The following ZNF790 variants were observed in gnomAD, a reference collection of about 807,000 sequenced individuals.
ZNF790 encodes the protein zinc finger protein 790.
Under a neutral mutation model 12.1 loss-of-function variants are expected in ZNF790, and 8 were observed. The observed-to-expected ratio is 0.66, with a 90% confidence interval of 0.39 to 1.19. The LOEUF (loss-of-function observed/expected upper bound fraction) is 1.19, where lower values mean the gene tolerates loss of function less well. Among genes scored for constraint, ZNF790 ranks in the 50% most tolerant of loss-of-function variants. ZNF790 has a pLI of 0.01. For synonymous variants in ZNF790, 252 were observed against 244.3 expected, an observed-to-expected ratio of 1.03 and a Z score of -0.29; for missense variants, 707 against 752.2, an observed-to-expected ratio of 0.94 and a Z score of 0.70.
upstream of ZNF790, among the ~76,000 whole-genome samples, chr19:36,842,760 C>T (rs556906226): frequency 1.3e-5 from 2 of 151,536 alleles, no homozygotes; most frequent in Non-Finnish European, 2.9e-5. Context: ...AATCCCAGCA[C>T]TTTGGGAGGC....
In ZNF790 at chr19:36,818,596, T is replaced by C. The variant is rs575633017; in HGVS notation, c.1748A>G (p.His583Arg). 6.9e-5 allele frequency: 111 copies of C among 1,611,268 alleles called. 3 individuals are homozygous for C. In the South Asian group the frequency reaches 1.2e-3, roughly 17 times the overall value. Residue 583 changes from histidine to arginine, a missense_variant, in exon 5 of 5, where the codon CAT becomes CGT. By Grantham distance (29) the His-to-Arg change is conservative. Transcript: ENST00000356725. ...HHSYFTEQKIHNSANLCEWTD... is the reference protein window; with the variant it reads ...HHSYFTEQKIRNSANLCEWTD... ...CCATTCACAGAGATTTGCACTATTA[T>C]GAATTTTTTGTTCAGTAAAATATGA...
rs2072093667 is a variant in ZNF790, at chr19:36,838,316, C to T, written c.-74+21G>A. The T allele has an allele frequency of 6.6e-6, 1 of 152,430 alleles. No individual in the cohort carries two copies. Among genetic ancestry groups the T allele is most frequent in the African/African-American group, 2.4e-5 (1 of 41,482 alleles). The allele number at this position is 152,430 out of a possible 1,614,324, so 9.4% of individuals were successfully genotyped here. A position where few individuals can be genotyped will look rare whatever the true frequency, so the allele number is the denominator to read the frequency against. On this transcript the variant is annotated intron_variant, in intron 1 of 4. Transcript: ENST00000356725. The surrounding 1 kb of genome is among the most constrained non-coding windows in gnomAD (Gnocchi z 4.4). ...CGGGCCCTCCGGAGTCATTCGGCTT[C>T]TGTGTCTCGGAATCACTCACCCGGC... is the stretch of plus-strand genomic sequence containing the variant.
At chr19:36,826,647 T>C (rs1163622418) in intron 1 of ZNF790, among the ~76,000 whole-genome samples, 1 of 146,988 alleles carries the variant, frequency 6.8e-6, no homozygotes, top group Non-Finnish European at 1.5e-5. Flanking sequence ...ATAAAAATTA[T>C]ATATATATAT....
upstream of ZNF790, among the ~76,000 whole-genome samples, chr19:36,842,018 A>G (rs917238650): frequency 6.6e-6 from 1 of 152,134 alleles, no homozygotes; most frequent in Non-Finnish European, 1.5e-5. Context: ...CTAGCCTATA[A>G]AACTTTTTTA....
chr19:36,838,991 T>C (rs1407913829), upstream of ZNF790, among the ~76,000 whole-genome samples: 1 of 152,226 alleles, frequency 6.6e-6, no homozygotes, highest in East Asian at 1.9e-4. This position sits in a 1 kb window ranked among gnomAD's most constrained non-coding sequence, Gnocchi z 4.4. Context: ...CCCAGCCCTA[T>C]AGGGGTACCC....
chr19:36,835,918 C>A (rs2072035511), intron 1 of ZNF790, among the ~76,000 whole-genome samples: 1 of 151,846 alleles, frequency 6.6e-6, no homozygotes, highest in African/African-American at 2.4e-5. Context: ...TTATATTAGT[C>A]CAACAAGATA....
rs12461738 is a variant in ZNF790 at position 36,824,506 on chromosome 19, C to A, written c.10-716G>T. Reference sequence around the variant, plus strand: ...TATTTTTAGTAGAGACAGGGTTTCGCAATGTTGGCCAGGCTGGTCTCAAAT... The same window carrying A: ...TATTTTTAGTAGAGACAGGGTTTCGAAATGTTGGCCAGGCTGGTCTCAAAT... On this transcript the variant is annotated intron_variant, in intron 2 of 4. Coordinates refer to ENST00000356725, the MANE Select transcript of ZNF790 (RefSeq NM_206894.4). Among the ~76,000 whole-genome samples, 799 of 152,176 alleles carry A rather than the reference C, an allele frequency of 5.3e-3. 22 individuals are homozygous for A. The highest frequency in any genetic ancestry group is 0.038 in the Admixed American group (586 of 15,292).
chr19:36,824,592 C>T (rs116043464), intron 2 of ZNF790, among the ~76,000 whole-genome samples: 2 of 152,134 alleles, frequency 1.3e-5, no homozygotes, highest in Non-Finnish European at 2.9e-5. Context: ...CCACTGCACC[C>T]GGTAAAAACT....
chr19:36,820,887 C>A (rs1267647347), intron 4 of ZNF790, among the ~76,000 whole-genome samples: 1 of 142,476 alleles, frequency 7.0e-6, no homozygotes, highest in Non-Finnish European at 1.5e-5. Flanking sequence ...AGAGTGAGAC[C>A]CTGTCTTTTT....
At chr19:36,825,813 C>CA in intron 1 of ZNF790, 121 bp from the exon 2 acceptor site, 1 of 636,338 alleles carries the variant, frequency 1.6e-6, no homozygotes. Context: ...TGGCCCTATC[C>CA]AAAACCAGAG....
rs1390020836 is a variant in ZNF790, at chr19:36,817,668, A to C, written c.*765T>G. The C allele has an allele frequency of 6.6e-6, 1 of 152,188 alleles. No individual in the cohort carries two copies. The highest frequency in any genetic ancestry group is 1.5e-5 in the Non-Finnish European group (1 of 68,024). 9.4% of individuals were successfully genotyped at this position (152,188 alleles called of 1,614,324 possible). A position where few individuals can be genotyped will look rare whatever the true frequency, so the allele number is the denominator to read the frequency against. On this transcript the variant is annotated 3_prime_UTR_variant, in exon 5 of 5. Coordinates refer to ENST00000356725, the MANE Select transcript of ZNF790 (RefSeq NM_206894.4). ...TAGATTTAAGATACTTTCCAAAAAA[A>C]AAAAATAGAGGCAGGATGTATTGAA...
At chr19:36,832,668 C>T (rs1016252159) in intron 1 of ZNF790, among the ~76,000 whole-genome samples, 7 of 152,128 alleles carry the variant, frequency 4.6e-5, no homozygotes, top group Non-Finnish European at 7.3e-5. Flanking sequence ...CAGAACTTCC[C>T]AGCTAAGCCA....
intron 1 of ZNF790, chr19:36,849,937 C>T (rs146833418): frequency 3.4e-4 from 52 of 152,748 alleles, no homozygotes; most frequent in Non-Finnish European, 6.4e-4. Context: ...ACCCCTCATC[C>T]CACCAGCACA....
At chr19:36,829,474 G>T (rs943858742) in intron 1 of ZNF790, among the ~76,000 whole-genome samples, 1 of 152,174 alleles carries the variant, frequency 6.6e-6, no homozygotes, top group African/African-American at 2.4e-5. Context: ...TTCATTCCTT[G>T]CTATGCCTGA....
At chr19:36,838,649 G>T (rs932519489), upstream of ZNF790, among the ~76,000 whole-genome samples, 1 of 152,164 alleles carries the variant, frequency 6.6e-6, no homozygotes, top group Non-Finnish European at 1.5e-5. The surrounding 1 kb of genome is among the most constrained non-coding windows in gnomAD (Gnocchi z 4.4). Context: ...TCTGCAAAAG[G>T]CTCCCAGCCC....
chr19:36,831,115 G>C (rs929583253), intron 1 of ZNF790, among the ~76,000 whole-genome samples: 1 of 147,804 alleles, frequency 6.8e-6, no homozygotes, highest in Non-Finnish European at 1.5e-5. Context: ...CTTCAGCCTA[G>C]CAACAGAGCA....
chr19:36,847,190 C>T (rs1027377048), intron 1 of ZNF790, among the ~76,000 whole-genome samples: 4 of 151,918 alleles, frequency 2.6e-5, no homozygotes, highest in African/African-American at 9.7e-5. Context: ...CCTGTCTTTA[C>T]TAAAAATACA....
chr19:36,850,733 G>A (rs1444168401), upstream of ZNF790: 2 of 152,242 alleles, frequency 1.3e-5, no homozygotes, highest in African/African-American at 4.8e-5. Flanking sequence ...GCCAGAGTCC[G>A]CGCCAGGGGA....
chr19:36,837,658 C>T (rs1387764895), intron 1 of ZNF790: 1 of 152,060 alleles, frequency 6.6e-6, no homozygotes, highest in African/African-American at 2.4e-5. Flanking sequence ...CACAGATGAG[C>T]CTTGTTTACT....
Sources: gnomAD v4.1 joint callset for allele counts (sites outside exome capture counted in the v4.1 genomes callset) on GRCh38, gnomAD v4.1.1 for gene constraint, Gnocchi (gnomAD v3.1) non-coding constraint, MANE v1.5 for transcripts, NCBI Gene and HGNC (gene_info 2026-07-23, HGNC 2026-07-21) for gene names.